The following ADAMTSL1 variants were observed in gnomAD, a reference collection of about 807,000 sequenced individuals.
ADAMTSL1 encodes the protein ADAMTS like 1, also known as ADAMTS-like protein 1.
ADAMTSL1 carries 126 observed loss-of-function variants against 201.8 expected under a neutral mutation model. The ratio of observed to expected loss-of-function variants is 0.62; its 90% CI spans 0.54 to 0.72. The LOEUF (loss-of-function observed/expected upper bound fraction) is 0.72. ADAMTSL1 is among the 30% of genes least tolerant of loss of function. The pLI, the probability that ADAMTSL1 is intolerant of heterozygous loss-of-function variation, is 0.00. For missense variants in ADAMTSL1, 2,679 were observed against 2,277.8 expected, an observed-to-expected ratio of 1.18 and a Z score of -3.59; for synonymous variants, 1,121 against 903.4, an observed-to-expected ratio of 1.24 and a Z score of -4.32.
chr9:18,117,689 T>A (rs1184274050), intron 1 of ADAMTSL1, among the ~76,000 whole-genome samples: 1 of 152,208 alleles, frequency 6.6e-6, no homozygotes, highest in African/African-American at 2.4e-5. Context: ...CTGCCCTGAC[T>A]ATAAAGTATA....
intron 2 of ADAMTSL1, among the ~76,000 whole-genome samples, chr9:18,380,416 G>C (rs1184315919): frequency 6.6e-6 from 1 of 152,134 alleles, no homozygotes; most frequent in Non-Finnish European, 1.5e-5. Context: ...AAGGAAATAA[G>C]GGAATAAAAA....
intron 2 of ADAMTSL1, among the ~76,000 whole-genome samples, chr9:18,514,490 C>T (rs1413826937): frequency 6.6e-6 from 1 of 151,874 alleles, no homozygotes; most frequent in Non-Finnish European, 1.5e-5. Context: ...CCACCATGCC[C>T]GGCTACTTTT....
chr9:18,416,156 C>G (rs1350599482), intron 2 of ADAMTSL1, among the ~76,000 whole-genome samples: 1 of 152,012 alleles, frequency 6.6e-6, no homozygotes, highest in Non-Finnish European at 1.5e-5. Flanking sequence ...ATACAAAATA[C>G]TTTCTCTCAT....
intron 3 of ADAMTSL1, among the ~76,000 whole-genome samples, chr9:18,553,260 TA>T (rs1820904417): frequency 6.6e-6 from 1 of 151,168 alleles, no homozygotes; most frequent in African/African-American, 2.4e-5. Context: ...TCTACTGGTT[TA>T]AAAGTTATAT....
intron 1 of ADAMTSL1, among the ~76,000 whole-genome samples, chr9:18,487,852 C>T (rs1822073499): frequency 6.6e-6 from 1 of 152,186 alleles, no homozygotes; most frequent in Non-Finnish European, 1.5e-5. Flanking sequence ...AGCTTCAGAA[C>T]CAAGTTCATT....
intron 1 of ADAMTSL1, among the ~76,000 whole-genome samples, chr9:18,051,098 G>T (rs186182652): frequency 6.6e-6 from 1 of 152,100 alleles, no homozygotes; most frequent in Non-Finnish European, 1.5e-5. Context: ...TCAGGAGATG[G>T]AGACCATCCT....
Position 18,260,184 on chromosome 9 carries a change from A to G in ADAMTSL1, c.207+96203A>G, listed in dbSNP as rs182879365. Among the ~76,000 whole-genome samples the G allele has an allele frequency of 2.0e-5, 3 of 152,270 alleles. No individual in the cohort carries two copies. The East Asian group carries it at 5.8e-4, about 29-fold the overall frequency. On this transcript the variant is annotated intron_variant, in intron 2 of 29. Transcript: ENST00000680146. ...TGGCATTGCGTAGATACCACCATGG[A>G]TGGTAAAAATGGGGACTGGCCAATT... is the stretch of plus-strand genomic sequence containing the variant.
In ADAMTSL1 at chr9:18,848,544, C is replaced by T. The variant is rs373680704; in HGVS notation, c.4249+18567C>T. 3.2e-4 allele frequency among the ~76,000 whole-genome samples: 48 copies of T among 152,242 alleles called. 1 individual carries two copies. The highest frequency in any genetic ancestry group is 1.1e-3 in the African/African-American group (45 of 41,534). On this transcript the variant is annotated intron_variant, in intron 23 of 28. Coordinates refer to ENST00000380548, the MANE Select transcript of ADAMTSL1 (RefSeq NM_001040272.6). ...CCTTGAGCCTCATGTAACTTCCATG[C>T]CTGGAATACCCTCCCCTACCCCACC...
intron 9 of ADAMTSL1, among the ~76,000 whole-genome samples, chr9:18,672,111 G>T (rs1470587406): frequency 1.3e-5 from 2 of 151,616 alleles, no homozygotes; most frequent in African/African-American, 4.8e-5. Flanking sequence ...ACTACTTTAG[G>T]ATTTTTCTTG....
chr9:18,267,591 C>T (rs1172924490), intron 2 of ADAMTSL1, among the ~76,000 whole-genome samples: 1 of 152,082 alleles, frequency 6.6e-6, no homozygotes, highest in Non-Finnish European at 1.5e-5. Flanking sequence ...AAGAGGAAAG[C>T]ACTCTACGAA....
chr9:18,259,617 T>TC (rs1338730426), intron 2 of ADAMTSL1, among the ~76,000 whole-genome samples: 3 of 152,014 alleles, frequency 2.0e-5, no homozygotes, highest in African/African-American at 2.4e-5. Flanking sequence ...CTCTTTCTGC[T>TC]CCCCTCTCCC....
At chr9:18,087,878 A>T (rs1190941430) in intron 1 of ADAMTSL1, among the ~76,000 whole-genome samples, 2 of 152,176 alleles carry the variant, frequency 1.3e-5, no homozygotes, top group Non-Finnish European at 2.9e-5. Flanking sequence ...TTTGGATGAA[A>T]TAGAAAGCAG....
chr9:18,314,918 T>C (rs1245560708), intron 2 of ADAMTSL1, among the ~76,000 whole-genome samples: 1 of 144,052 alleles, frequency 6.9e-6, no homozygotes, highest in East Asian at 2.2e-4. Flanking sequence ...TGCCTCAGCC[T>C]CCCGAGTAGC....
rs192399926 is a variant in ADAMTSL1 at position 18,862,675 on chromosome 9, C to A, written c.4250-25156C>A. 6.8e-4 allele frequency among the ~76,000 whole-genome samples: 103 copies of A among 152,154 alleles called. 2 individuals carry two copies. The highest frequency in any genetic ancestry group is 2.0e-3 in the Admixed American group (30 of 15,290). On this transcript the variant is annotated intron_variant, in intron 23 of 28. Transcript: ENST00000380548. ...ACTCTCCTCAAAAGTATGGTATGAC[C>A]CAAGTATGATCCACATTCTAGAGTT... is the stretch of plus-strand genomic sequence containing the variant.
At chr9:18,601,812 T>A (rs1455531099) in intron 4 of ADAMTSL1, among the ~76,000 whole-genome samples, 1 of 151,600 alleles carries the variant, frequency 6.6e-6, no homozygotes, top group Non-Finnish European at 1.5e-5. Flanking sequence ...GTAGCATATC[T>A]ATACATTTCC....
intron 1 of ADAMTSL1, among the ~76,000 whole-genome samples, chr9:18,069,894 T>C (rs1822880952): frequency 6.6e-6 from 1 of 152,166 alleles, no homozygotes; most frequent in Admixed American, 6.5e-5. Flanking sequence ...TTAGAACATA[T>C]ATTATGGGAT....
chr9:18,818,607 C>T (rs897982699), intron 21 of ADAMTSL1, among the ~76,000 whole-genome samples: 2 of 152,034 alleles, frequency 1.3e-5, no homozygotes, highest in African/African-American at 4.8e-5. Flanking sequence ...GCCTAGGCAA[C>T]ATGGCAAAAC....
intron 15 of ADAMTSL1, among the ~76,000 whole-genome samples, chr9:18,729,085 A>C (rs1243690923): frequency 6.6e-6 from 1 of 152,152 alleles, no homozygotes; most frequent in Non-Finnish European, 1.5e-5. Flanking sequence ...ATGCCCTCCT[A>C]TCCCAGGTAT....
At chr9:18,508,097 A>C (rs1817792644) in intron 2 of ADAMTSL1, among the ~76,000 whole-genome samples, 1 of 151,974 alleles carries the variant, frequency 6.6e-6, no homozygotes, top group Non-Finnish European at 1.5e-5. Flanking sequence ...AGGCAGGAGA[A>C]TCGCTTGAAC....
Sources: gnomAD v4.1 joint callset for allele counts (sites outside exome capture counted in the v4.1 genomes callset) on GRCh38, gnomAD v4.1.1 for gene constraint, MANE v1.5 for transcripts, NCBI Gene and HGNC (gene_info 2026-07-23, HGNC 2026-07-21) for gene names.